ABI1: variants seen among roughly 807,000 people sequenced by gnomAD.
ABI1 encodes Abelson interactor 1.
ABI1 carries 14 observed loss-of-function variants against 54.6 expected under a neutral mutation model. That is an observed-to-expected ratio of 0.26 (90% confidence interval 0.17 to 0.40). ABI1 has a LOEUF of 0.40. Ranked by LOEUF, ABI1 falls within the 10% of genes least tolerant of loss-of-function variation. The pLI, the probability that ABI1 is intolerant of heterozygous loss-of-function variation, is 1.00. For synonymous variants in ABI1, 194 were observed against 209.3 expected, an observed-to-expected ratio of 0.93 and a Z score of 0.63; for missense variants, 443 against 598.3, an observed-to-expected ratio of 0.74 and a Z score of 2.71.
chr10:26,798,486 G>A (rs2046343937), intron 2 of ABI1, among the ~76,000 whole-genome samples: 1 of 152,066 alleles, frequency 6.6e-6, no homozygotes, highest in Non-Finnish European at 1.5e-5. Flanking sequence ...CTGAAAAAAG[G>A]CAAGGGAACA....
intron 1 of ABI1, among the ~76,000 whole-genome samples, chr10:26,852,062 G>A (rs559344941): frequency 6.6e-6 from 1 of 152,272 alleles, no homozygotes; most frequent in South Asian, 2.1e-4. Context: ...AGGAGGCTGA[G>A]ATGGGAGGAT....
At chr10:26,750,674 A>G (rs972288602) in intron 10 of ABI1, among the ~76,000 whole-genome samples, 1 of 150,350 alleles carries the variant, frequency 6.7e-6, no homozygotes, top group African/African-American at 2.4e-5. Flanking sequence ...ACTAAATCAC[A>G]AGCATTTTTC....
At chr10:26,779,238 C>A (rs1053257098) in intron 2 of ABI1, among the ~76,000 whole-genome samples, 2 of 152,094 alleles carry the variant, frequency 1.3e-5, no homozygotes, top group East Asian at 3.8e-4. Flanking sequence ...ACATGTTGTC[C>A]AAATTGTATG....
chr10:26,772,869 T>C (rs1840866582), intron 3 of ABI1, among the ~76,000 whole-genome samples: 1 of 151,838 alleles, frequency 6.6e-6, no homozygotes, highest in African/African-American at 2.4e-5. Flanking sequence ...GCCCAAGAGT[T>C]TGAGACCAGC....
At chr10:26,763,895 C>A (rs1839555599) in intron 7 of ABI1, 1 of 1,612,896 alleles carries the variant, frequency 6.2e-7, no homozygotes, top group African/African-American at 1.3e-5. Context: ...ACAGTGCTCA[C>A]TGGGAGAAGT....
In ABI1 at chr10:26,773,473, T is replaced by C. The variant is rs568701923; in HGVS notation, c.463-2384A>G. On this transcript the variant is annotated intron_variant, in intron 3 of 10. Transcript: ENST00000376140. ...CCTGAGCCTACCAAAGTGCCAAGAT[T>C]ACAGGCATGAGCCACTGCACCCAGC... Among the ~76,000 whole-genome samples the C allele has an allele frequency of 2.1e-3, 313 of 152,010 alleles. 3 individuals carry two copies. The highest frequency in any genetic ancestry group is 7.3e-3 in the African/African-American group (303 of 41,456).
At chr10:26,802,352 T>C (rs942114201) in intron 2 of ABI1, among the ~76,000 whole-genome samples, 1 of 152,172 alleles carries the variant, frequency 6.6e-6, no homozygotes, top group Non-Finnish European at 1.5e-5. Context: ...ACTCTCAATA[T>C]ATAATATAAA....
chr10:26,848,756 G>A (rs938075573), intron 1 of ABI1, among the ~76,000 whole-genome samples: 11 of 151,956 alleles, frequency 7.2e-5, no homozygotes, highest in Non-Finnish European at 1.3e-4. Flanking sequence ...TTACAGGCAT[G>A]TGCCACCACG....
At chr10:26,748,813 A>G (rs1837234458) in intron 10 of ABI1, 68 bp from the exon 11 acceptor site, 2 of 1,144,132 alleles carry the variant, frequency 1.7e-6, no homozygotes, top group Non-Finnish European at 2.5e-6. Context: ...ATTTTAAGAC[A>G]AAGACAATTA....
intron 1 of ABI1, among the ~76,000 whole-genome samples, chr10:26,851,248 T>A (rs1216369079): frequency 6.6e-6 from 1 of 151,442 alleles, no homozygotes; most frequent in Non-Finnish European, 1.5e-5. Flanking sequence ...CAGGCTGGAG[T>A]GCAGTGGCGC....
Position 26,765,219 on chromosome 10 carries a change from T to G in ABI1, c.819A>C (p.Pro273=). 3 of 1,596,692 alleles carry G rather than the reference T, an allele frequency of 1.9e-6. No individual in the cohort carries two copies. Among genetic ancestry groups the G allele is most frequent in the Non-Finnish European group, 2.6e-6 (3 of 1,171,188 alleles). ...AACATAGATTAATAAATAACACACC[T>G]GGTCCAATAGTGGGTGGCGAAGGTG... is the stretch of plus-strand genomic sequence containing the variant. ...VPTPSPPTIG[P]AAPGSAPGSQ... is the part of the protein sequence containing the mutation. The change falls in exon 7 of 11, where the codon CCA becomes CCC. Residue 273 remains proline (P), a splice_region_variant and synonymous_variant. Coordinates refer to ENST00000376140, the MANE Select transcript of ABI1 (RefSeq NM_001012750.3).
At chr10:26,778,379 C>T (rs1025620783) in intron 2 of ABI1, among the ~76,000 whole-genome samples, 2 of 151,694 alleles carry the variant, frequency 1.3e-5, no homozygotes, top group African/African-American at 4.8e-5. Context: ...TTAAGAAGAT[C>T]CCACTAGCAG....
intron 5 of ABI1, 34 bp downstream of exon 5, chr10:26,770,211 T>C (rs945970864): frequency 1.3e-6 from 2 of 1,555,704 alleles, no homozygotes; most frequent in Non-Finnish European, 1.8e-6. Flanking sequence ...CTTTAGCATA[T>C]GAATTCTTTT....
intron 5 of ABI1, among the ~76,000 whole-genome samples, chr10:26,769,785 A>G (rs1049760583): frequency 4.6e-5 from 7 of 152,202 alleles, no homozygotes; most frequent in Non-Finnish European, 1.0e-4. Context: ...AGTAAAGTGC[A>G]TACTTTCCTA....
Position 26,748,341 on chromosome 10 carries a change from G to C in ABI1, c.*229C>G. 2 of 404,884 alleles carry C rather than the reference G, an allele frequency of 4.9e-6. 1 individual carries two copies. Among genetic ancestry groups the C allele is most frequent in the South Asian group, 1.2e-4 (2 of 16,068 alleles). The allele number at this position is 404,884 out of a possible 1,614,324, so 25.1% of individuals were successfully genotyped here. A position where few individuals can be genotyped will look rare whatever the true frequency, so the allele number is the denominator to read the frequency against. Reference sequence around the variant, plus strand: ...CATAAAGTTAAAAATGTGTAAGTAAGTACATAAGCATAATCAGTTATGGAC... The same window carrying C: ...CATAAAGTTAAAAATGTGTAAGTAACTACATAAGCATAATCAGTTATGGAC... On this transcript the variant is annotated 3_prime_UTR_variant, in exon 11 of 11. Coordinates refer to ENST00000376140, the MANE Select transcript of ABI1 (RefSeq NM_001012750.3).
At chr10:26,796,684 T>C (rs571469961) in intron 2 of ABI1, among the ~76,000 whole-genome samples, 41 of 152,370 alleles carry the variant, frequency 2.7e-4, no homozygotes, top group Admixed American at 9.1e-4. Flanking sequence ...AAAGTAACTA[T>C]GTGAAATGAC....
chr10:26,766,340 C>T lies in ABI1; in HGVS notation c.720-1022G>A, dbSNP rs72629722. Reference sequence around the variant, plus strand: ...GTAAGGTATAAGATCTTGTGCCATCCAGTTGTTTATAGTAATGTGTGTACA... The same window carrying T: ...GTAAGGTATAAGATCTTGTGCCATCTAGTTGTTTATAGTAATGTGTGTACA... On this transcript the variant is annotated intron_variant, in intron 6 of 10. Transcript: ENST00000376140. 0.018 allele frequency among the ~76,000 whole-genome samples: 2,713 copies of T among 152,192 alleles called. 189 individuals carry two copies. The South Asian group carries it at 0.19, about 11-fold the overall frequency.
In ABI1 at chr10:26,851,808, T is replaced by C. The variant is rs566909448; in HGVS notation, c.117+8939A>G. ...CAGTGGTAAGAAATTATAGGTCTTA[T>C]ATGATGAAGTCTATTTTCTCTATGA... On this transcript the variant is annotated intron_variant, in intron 1 of 10. Coordinates refer to ENST00000376140, the MANE Select transcript of ABI1 (RefSeq NM_001012750.3). 5.9e-5 allele frequency among the ~76,000 whole-genome samples: 9 copies of C among 152,190 alleles called. No homozygotes were observed. In the East Asian group the frequency reaches 9.7e-4, roughly 16 times the overall value.
chr10:26,798,456 G>A (rs1043870520), intron 2 of ABI1, among the ~76,000 whole-genome samples: 2 of 152,014 alleles, frequency 1.3e-5, no homozygotes, highest in Non-Finnish European at 2.9e-5. Context: ...TGCGCCAAAA[G>A]TGCAGGTGGC....
Sources: gnomAD v4.1 joint callset for allele counts (sites outside exome capture counted in the v4.1 genomes callset) on GRCh38, gnomAD v4.1.1 for gene constraint, MANE v1.5 for transcripts, NCBI Gene and HGNC (gene_info 2026-07-23, HGNC 2026-07-21) for gene names.